Variants in LEPR observed in about 807,000 individuals in gnomAD.
LEPR encodes the protein leptin receptor.
A neutral mutation model predicts 114.7 loss-of-function variants in LEPR; 56 were observed. The observed-to-expected ratio is 0.49, with a 90% CI of 0.39 to 0.61. The LOEUF is 0.61. Among genes scored for constraint, LEPR ranks in the 20% least tolerant of loss-of-function variants. LEPR has a pLI of 0.00. For missense variants in LEPR, 1,202 were observed against 1,352.9 expected, an observed-to-expected ratio of 0.89 and a Z score of 1.75; for synonymous variants, 443 against 461.4, an observed-to-expected ratio of 0.96 and a Z score of 0.51.
chr1:65,468,659 G>A (rs905839729), intron 2 of LEPR, among the ~76,000 whole-genome samples: 1 of 152,210 alleles, frequency 6.6e-6, no homozygotes, highest in Non-Finnish European at 1.5e-5. Flanking sequence ...GTTTGTTTCT[G>A]CTCTGCTGTC....
chr1:65,621,299 G>T (rs796702308), intron 17 of LEPR, 54 bp from the exon 18 acceptor site: 9 of 1,493,044 alleles, frequency 6.0e-6, no homozygotes, highest in East Asian at 4.6e-5. Flanking sequence ...GATACAGAAA[G>T]AAATTAATAT....
chr1:65,461,124 C>T (rs535803207), intron 2 of LEPR, among the ~76,000 whole-genome samples: 55 of 151,678 alleles, frequency 3.6e-4, no homozygotes, highest in African/African-American at 1.3e-3. Context: ...TACAGGCGCC[C>T]GCCACCATGC....
chr1:65,583,552 T>C (rs955842423), intron 5 of LEPR, among the ~76,000 whole-genome samples: 13 of 152,132 alleles, frequency 8.5e-5, no homozygotes, highest in Non-Finnish European at 2.9e-5. Flanking sequence ...GGCTACACTA[T>C]ACTATTCCCC....
chr1:65,574,293 T>C (rs947018893), intron 5 of LEPR, among the ~76,000 whole-genome samples: 7 of 152,320 alleles, frequency 4.6e-5, no homozygotes, highest in African/African-American at 1.7e-4. Context: ...TAAATTTGCA[T>C]GCTAAATGAC....
At chr1:65,458,784 C>G (rs1316670473) in intron 2 of LEPR, among the ~76,000 whole-genome samples, 1 of 152,046 alleles carries the variant, frequency 6.6e-6, no homozygotes, top group African/African-American at 2.4e-5. Context: ...TTTTTCTGTT[C>G]CTTTTTTTCT....
chr1:65,617,735 T>G (rs1357236839), intron 15 of LEPR, among the ~76,000 whole-genome samples: 1 of 152,164 alleles, frequency 6.6e-6, no homozygotes, highest in South Asian at 2.1e-4. Context: ...AAATTGCTTT[T>G]TAAGGTTTTA....
At chr1:65,630,173 T>C (rs1281086975) in intron 19 of LEPR, 1 of 253,932 alleles carries the variant, frequency 3.9e-6, no homozygotes, top group Non-Finnish European at 7.7e-6. Flanking sequence ...TACTCCTCAC[T>C]GTTTACTTAT....
intron 14 of LEPR, among the ~76,000 whole-genome samples, chr1:65,614,682 A>G (rs1657415408): frequency 6.6e-6 from 1 of 152,226 alleles, no homozygotes; most frequent in South Asian, 2.1e-4. Flanking sequence ...AGGATGATCC[A>G]TGTGGCAATG....
intron 2 of LEPR, among the ~76,000 whole-genome samples, chr1:65,455,137 C>T (rs1295851521): frequency 6.6e-6 from 1 of 152,194 alleles, no homozygotes; most frequent in Non-Finnish European, 1.5e-5. Context: ...GCTCCATCAG[C>T]TCCTTTAAGC....
chr1:65,537,620 A>G (rs1206497966), intron 2 of LEPR, among the ~76,000 whole-genome samples: 2 of 152,136 alleles, frequency 1.3e-5, no homozygotes, highest in Non-Finnish European at 2.9e-5. Flanking sequence ...TTGTTCCATT[A>G]ACTACAGACA....
At chr1:65,615,227 G>T (rs537599509) in intron 14 of LEPR, among the ~76,000 whole-genome samples, 1 of 152,258 alleles carries the variant, frequency 6.6e-6, no homozygotes, top group Admixed American at 6.5e-5. Flanking sequence ...TCTAGTCTAT[G>T]ATATACAGTC....
intron 7 of LEPR, among the ~76,000 whole-genome samples, chr1:65,597,535 A>C (rs1656149202): frequency 6.6e-6 from 1 of 151,916 alleles, no homozygotes; most frequent in Non-Finnish European, 1.5e-5. Context: ...GGAGATGGTA[A>C]TGTAGATATC....
intron 19 of LEPR, chr1:65,634,047 T>C: frequency 1.0e-6 from 1 of 985,348 alleles, no homozygotes; most frequent in Non-Finnish European, 1.2e-6. Context: ...AAAGGGAGAC[T>C]CTTTGGAGCT....
At chr1:65,445,324 T>TTAAG (rs1646700372) in intron 2 of LEPR, among the ~76,000 whole-genome samples, 1 of 152,164 alleles carries the variant, frequency 6.6e-6, no homozygotes, top group Non-Finnish European at 1.5e-5. Flanking sequence ...CAACTATGAA[T>TTAAG]TAAGGTAGGT....
chr1:65,525,090 G>GCC (rs1649833950), intron 2 of LEPR, among the ~76,000 whole-genome samples: 1 of 152,202 alleles, frequency 6.6e-6, no homozygotes, highest in South Asian at 2.1e-4. Flanking sequence ...ATGCGCGAAT[G>GCC]CCCTCTTCAG....
intron 1 of LEPR, among the ~76,000 whole-genome samples, chr1:65,423,703 CACCTTCCT>C (rs1308046788): frequency 1.3e-5 from 2 of 152,192 alleles, no homozygotes; most frequent in African/African-American, 2.4e-5. Context: ...AGCACTTTGG[CACCTTCCT>C]ATTAAAGAGT....
chr1:65,589,542 A>G (rs1001405101), intron 5 of LEPR, among the ~76,000 whole-genome samples: 1 of 151,630 alleles, frequency 6.6e-6, no homozygotes, highest in Non-Finnish European at 1.5e-5. Flanking sequence ...GAAGTTTCAT[A>G]GCTTTAGGTT....
chr1:65,609,162 G>A (rs1253434866), intron 12 of LEPR, among the ~76,000 whole-genome samples: 3 of 152,200 alleles, frequency 2.0e-5, no homozygotes, highest in African/African-American at 7.2e-5. Flanking sequence ...GGCTAAATCA[G>A]TTTAGGAAAC....
At chr1:65,632,246 G>T (rs1287556228) in intron 19 of LEPR, among the ~76,000 whole-genome samples, 2 of 152,056 alleles carry the variant, frequency 1.3e-5, no homozygotes, top group African/African-American at 4.8e-5. Context: ...GGAAGAGCTG[G>T]TGCATTTTCG....
Sources: gnomAD v4.1 joint callset for allele counts (sites outside exome capture counted in the v4.1 genomes callset) on GRCh38, gnomAD v4.1.1 for gene constraint, MANE v1.5 for transcripts, NCBI Gene and HGNC (gene_info 2026-07-23, HGNC 2026-07-21) for gene names.